HYKK: variants seen among roughly 807,000 people sequenced by gnomAD.
HYKK encodes 5-hydroxy-L-lysine kinase.
HYKK carries 19 observed loss-of-function variants against 29.7 expected under a neutral mutation model. That is an observed-to-expected ratio of 0.64 (90% confidence interval 0.45 to 0.94). The LOEUF is 0.94. Ranked by LOEUF, HYKK falls within the 40% of genes least tolerant of loss-of-function variation. The pLI is 0.00. For synonymous variants in HYKK, 152 were observed against 158.1 expected (o/e 0.96, Z 0.29); for missense variants, 390 against 443.4 (o/e 0.88, Z 1.08).
chr15:78,530,497 A>G (rs1056462400), intron 4 of HYKK, among the ~76,000 whole-genome samples: 2 of 152,144 alleles, frequency 1.3e-5, no homozygotes, highest in African/African-American at 4.8e-5. Context: ...AACATACTTT[A>G]TATTAGTGCT....
chr15:78,524,127 T>C lies in HYKK; in HGVS notation c.478-3253T>C, dbSNP rs1567020964. Among the ~76,000 whole-genome samples, 3 of 152,366 alleles carry C rather than the reference T, an allele frequency of 2.0e-5. No individual in the cohort carries two copies. The East Asian group carries it at 5.8e-4, about 29-fold the overall frequency. ...TGTGGGGGCTCCAAGCCCACATTTC[T>C]CCTCCACACTGCCCTAGTAGAGTTT... On this transcript the variant is annotated intron_variant, in intron 3 of 4. Coordinates refer to ENST00000388988, the MANE Select transcript of HYKK (RefSeq NM_001013619.4).
intron 3 of HYKK, among the ~76,000 whole-genome samples, chr15:78,516,242 T>G (rs539376668): frequency 6.6e-6 from 1 of 152,064 alleles, no homozygotes; most frequent in South Asian, 2.1e-4. Context: ...ACAAAGGAAA[T>G]ATATTTACTA....
chr15:78,508,743 A>T (rs1338185053), intron 1 of HYKK, among the ~76,000 whole-genome samples: 1 of 152,014 alleles, frequency 6.6e-6, no homozygotes, highest in African/African-American at 2.4e-5. Context: ...CTAAAAAAAT[A>T]AAAATAATAA....
chr15:78,516,555 G>A (rs2052135204), intron 3 of HYKK, among the ~76,000 whole-genome samples: 1 of 151,460 alleles, frequency 6.6e-6, no homozygotes, highest in Non-Finnish European at 1.5e-5. Flanking sequence ...TCACCATGTT[G>A]CCCAGGCTGG....
chr15:78,525,222 C>T (rs1055513577), intron 3 of HYKK, among the ~76,000 whole-genome samples: 1 of 151,806 alleles, frequency 6.6e-6, no homozygotes, highest in African/African-American at 2.4e-5. Flanking sequence ...GTGGTGCGAT[C>T]TCAGCTCACT....
intron 3 of HYKK, among the ~76,000 whole-genome samples, chr15:78,520,061 T>C (rs2052176075): frequency 6.6e-6 from 1 of 152,212 alleles, no homozygotes. Context: ...AGGCACCTGC[T>C]GCTCTGCTGT....
At chr15:78,513,525 G>T in intron 2 of HYKK, 100 bp downstream of exon 2, 1 of 820,886 alleles carries the variant, frequency 1.2e-6, no homozygotes, top group South Asian at 1.7e-5. Context: ...AATTCCAAGT[G>T]TAGATGTGGT....
intron 4 of HYKK, chr15:78,527,847 C>A: frequency 1.4e-6 from 1 of 705,444 alleles, no homozygotes; most frequent in Non-Finnish European, 1.9e-6. Context: ...GTTTTTCAAA[C>A]TTTATATCAA....
At chr15:78,529,416 C>G (rs11637127) in intron 4 of HYKK, among the ~76,000 whole-genome samples, 147,364 of 152,294 alleles carry the variant, frequency 0.97, 71,453 homozygotes, top group Non-Finnish European at 1. Context: ...GTATACCTTG[C>G]GATAGGATTG....
chr15:78,515,390 C>T (rs112313978), intron 3 of HYKK, among the ~76,000 whole-genome samples: 1 of 151,992 alleles, frequency 6.6e-6, no homozygotes, highest in African/African-American at 2.4e-5. Flanking sequence ...TTGAGACCAG[C>T]CTGGCCAACA....
intron 1 of HYKK, 56 bp from the exon 2 acceptor site, chr15:78,513,028 A>G: frequency 1.1e-6 from 1 of 912,616 alleles, no homozygotes; most frequent in Non-Finnish European, 1.7e-6. Flanking sequence ...AAAATCATTT[A>G]AATAAATATA....
Position 78,534,083 on chromosome 15 carries a change from A to C in HYKK, c.*413A>C, listed in dbSNP as rs903722574. ...ACCTAGATAACATACTACCAGTTCT[A>C]TGAAACCTCCTCTGATCTCTCCTTT... On this transcript the variant is annotated 3_prime_UTR_variant, in exon 5 of 5. Transcript: ENST00000388988. 1 of 158,036 alleles carries C rather than the reference A, an allele frequency of 6.3e-6. No individual in the cohort carries two copies. The highest frequency in any genetic ancestry group is 2.4e-5 in the African/African-American group (1 of 41,456). The allele number at this position is 158,036 out of a possible 1,614,324, so 9.8% of individuals were successfully genotyped here.
At chr15:78,536,691 G>GT (rs2052366168), downstream of HYKK, 1 of 152,178 alleles carries the variant, frequency 6.6e-6, no homozygotes, top group Non-Finnish European at 1.5e-5. Context: ...ATTTCATGTG[G>GT]TTTATATAAA....
chr15:78,514,908 C>CTCTATATATATATATATA (rs766004199), intron 2 of HYKK, 60 bp from the exon 3 acceptor site: 3 of 385,452 alleles, frequency 7.8e-6, no homozygotes, highest in East Asian at 1.6e-4. Context: ...CTCTCTCTCT[C>CTCTATATATATATATATA]TATATATATA....
At chr15:78,530,783 T>C (rs1223124706) in intron 4 of HYKK, among the ~76,000 whole-genome samples, 1 of 152,090 alleles carries the variant, frequency 6.6e-6, no homozygotes, top group East Asian at 1.9e-4. Context: ...CTGCAAGCGA[T>C]CCTCCCACAT....
intron 3 of HYKK, among the ~76,000 whole-genome samples, chr15:78,524,907 T>C (rs897771589): frequency 6.6e-6 from 1 of 152,082 alleles, no homozygotes; most frequent in Non-Finnish European, 1.5e-5. Context: ...AAACCATTCA[T>C]AAGAAACCAC....
intron 3 of HYKK, among the ~76,000 whole-genome samples, chr15:78,520,565 A>C (rs541335105): frequency 2.2e-4 from 33 of 152,350 alleles, no homozygotes; most frequent in Admixed American, 1.0e-3. Flanking sequence ...GTAAGGTCAC[A>C]GATCAACAGG....
At chr15:78,512,777 C>T (rs1290870237) in intron 1 of HYKK, among the ~76,000 whole-genome samples, 2 of 152,038 alleles carry the variant, frequency 1.3e-5, no homozygotes, top group African/African-American at 4.8e-5. Flanking sequence ...CAAAATTTCC[C>T]CTATAAAATT....
intron 4 of HYKK, among the ~76,000 whole-genome samples, chr15:78,532,689 C>T (rs925699248): frequency 1.3e-5 from 2 of 152,054 alleles, no homozygotes; most frequent in Non-Finnish European, 2.9e-5. Context: ...TCCAGCTACT[C>T]AGGAGGCTGA....
Sources: allele counts gnomAD v4.1 joint callset (sites outside exome capture counted in the v4.1 genomes callset), GRCh38; gene constraint gnomAD v4.1.1; transcripts MANE v1.5; gene names NCBI Gene and HGNC (gene_info 2026-07-23, HGNC 2026-07-21).